The following PPP2CA variants were observed in gnomAD, a reference collection of about 807,000 sequenced individuals.
PPP2CA encodes protein phosphatase 2 catalytic subunit alpha, also known as serine/threonine-protein phosphatase 2A catalytic subunit alpha isoform.
PPP2CA carries 5 observed loss-of-function variants against 38.8 expected under a neutral mutation model. The observed-to-expected ratio is 0.13, with a 90% CI of 0.07 to 0.27. The LOEUF is 0.27. Among genes scored for constraint, PPP2CA ranks in the 10% least tolerant of loss-of-function variants. The pLI is 1.00. For missense variants in PPP2CA, 88 were observed against 389.7 expected, an observed-to-expected ratio of 0.23 and a Z score of 6.52; for synonymous variants, 152 against 134.0, an observed-to-expected ratio of 1.13 and a Z score of -0.93.
At chr5:134,225,338 C>T (rs1440848166) in intron 1 of PPP2CA, 18 of 176,470 alleles carry the variant, frequency 1.0e-4, no homozygotes, top group East Asian at 3.6e-4. Flanking sequence ...CTCTGGGCAG[C>T]TCTGGACCTA....
At chr5:134,208,488 C>G (rs1018411269) in intron 1 of PPP2CA, among the ~76,000 whole-genome samples, 2 of 152,190 alleles carry the variant, frequency 1.3e-5, no homozygotes, top group Admixed American at 6.5e-5. Context: ...CTTTGAGCAC[C>G]CTACACAATC....
chr5:134,196,966 A>T lies in PPP2CA; in HGVS notation c.*806T>A, dbSNP rs1761865036. The T allele has an allele frequency of 6.5e-6, 1 of 152,678 alleles. No homozygotes were observed. The highest frequency in any genetic ancestry group is 2.1e-4 in the South Asian group (1 of 4,836). 9.5% of individuals were successfully genotyped at this position (152,678 alleles called of 1,614,324 possible). On this transcript the variant is annotated 3_prime_UTR_variant, in exon 7 of 7. Coordinates refer to ENST00000481195, the MANE Select transcript of PPP2CA (RefSeq NM_002715.4). ...ATGTCAAGGAGTTACCAGAGAGGTT[A>T]TGTAGTGCCCTTGATTTTTATTTTA...
chr5:134,210,557 A>G (rs1191768764), intron 1 of PPP2CA, among the ~76,000 whole-genome samples: 1 of 152,184 alleles, frequency 6.6e-6, no homozygotes, highest in African/African-American at 2.4e-5. Flanking sequence ...AAAGAATGTA[A>G]TTAGGGCCGA....
At chr5:134,223,765 C>A (rs1762498091) in intron 1 of PPP2CA, among the ~76,000 whole-genome samples, 1 of 152,202 alleles carries the variant, frequency 6.6e-6, no homozygotes, top group African/African-American at 2.4e-5. Flanking sequence ...CCTTTTCATA[C>A]CATGCTTTTC....
intron 1 of PPP2CA, among the ~76,000 whole-genome samples, chr5:134,215,968 G>A (rs1762311423): frequency 6.6e-6 from 1 of 152,182 alleles, no homozygotes; most frequent in Non-Finnish European, 1.5e-5. Context: ...GCAGCAAGTG[G>A]CTCTGATGGA....
In PPP2CA at chr5:134,196,472, T is replaced by G. The variant is rs1182026648; in HGVS notation, c.*1300A>C. On this transcript the variant is annotated 3_prime_UTR_variant, in exon 7 of 7. Transcript: ENST00000481195. ...ATTTTTGTCTTCGGGTGAATGTACATAAGACTAAATCATGATCCAACAATA... is the reference window on the plus strand; with the variant it reads ...ATTTTTGTCTTCGGGTGAATGTACAGAAGACTAAATCATGATCCAACAATA... The G allele has an allele frequency of 2.0e-5, 3 of 152,212 alleles. No individual in the cohort carries two copies. Among genetic ancestry groups the G allele is most frequent in the African/African-American group, 4.8e-5 (2 of 41,458 alleles). 9.4% of individuals were successfully genotyped at this position (152,212 alleles called of 1,614,324 possible).
At chr5:134,209,365 G>A (rs746847226) in intron 1 of PPP2CA, among the ~76,000 whole-genome samples, 69 of 152,116 alleles carry the variant, frequency 4.5e-4, no homozygotes, top group Non-Finnish European at 8.1e-4. Flanking sequence ...GCATGATTTT[G>A]GTTGTTTTGT....
chr5:134,198,955 G>GA, intron 6 of PPP2CA, 131 bp downstream of exon 6: 1 of 689,830 alleles, frequency 1.4e-6, no homozygotes, highest in Non-Finnish European at 2.5e-6. Context: ...AGGCCAAGGT[G>GA]AAAGGATCAC....
chr5:134,203,093 GT>G (rs979564988), intron 2 of PPP2CA, among the ~76,000 whole-genome samples: 91 of 145,790 alleles, frequency 6.2e-4, no homozygotes, highest in African/African-American at 1.2e-3. Flanking sequence ...AGCTGTAAAA[GT>G]TTTTTTTTTT....
At chr5:134,220,377 T>C (rs1762409484) in intron 1 of PPP2CA, among the ~76,000 whole-genome samples, 1 of 132,208 alleles carries the variant, frequency 7.6e-6, no homozygotes, top group Admixed American at 9.2e-5. Flanking sequence ...GAGAACTGCT[T>C]GAACTTGGGA....
At chr5:134,211,119 G>A (rs966544904) in intron 1 of PPP2CA, among the ~76,000 whole-genome samples, 2 of 151,264 alleles carry the variant, frequency 1.3e-5, no homozygotes, top group Admixed American at 1.3e-4. Flanking sequence ...TTTGAGACAA[G>A]GTCTTGCTCT....
rs867516893 is a variant in PPP2CA, at chr5:134,212,077, C to T, written c.103-5946G>A. ...GAGGTTGCAGTGAGCGGAGACCGCA[C>T]CACTGCACTCCAGCCTGGGTGACAG... On this transcript the variant is annotated intron_variant, in intron 1 of 6. Transcript: ENST00000481195. Among the ~76,000 whole-genome samples, 10 of 151,652 alleles carry T rather than the reference C, an allele frequency of 6.6e-5. No individual in the cohort carries two copies. The Middle Eastern group carries it at 0.01, about 155-fold the overall frequency.
At chr5:134,221,015 C>A (rs1048241596) in intron 1 of PPP2CA, among the ~76,000 whole-genome samples, 2 of 152,114 alleles carry the variant, frequency 1.3e-5, no homozygotes, top group Non-Finnish European at 2.9e-5. Flanking sequence ...GAAGTCAACT[C>A]CAAACTAACT....
chr5:134,195,759 GGTCA>G lies in PPP2CA; in HGVS notation c.*2009_*2012del, dbSNP rs1257210650. ...TTTCCAGTTTAGATGGCCAAAGCCC[GGTCA>G]GTCTCTATAATTAAACAATTATTTT... On this transcript the variant is annotated 3_prime_UTR_variant, in exon 7 of 7. Transcript: ENST00000481195. The G allele has an allele frequency of 3.9e-5, 6 of 152,124 alleles. No homozygotes were observed. The highest frequency in any genetic ancestry group is 7.4e-5 in the Non-Finnish European group (5 of 68,026). 9.4% of individuals were successfully genotyped at this position (152,124 alleles called of 1,614,324 possible).
chr5:134,198,591 A>G (rs1342944339), intron 6 of PPP2CA, among the ~76,000 whole-genome samples: 1 of 151,822 alleles, frequency 6.6e-6, no homozygotes, highest in African/African-American at 2.4e-5. Context: ...TTTGAGACGA[A>G]GTCTCGCTCT....
At position 134,225,763 on chromosome 5, in the gene PPP2CA, C is replaced by T; in HGVS notation, c.99G>A (p.Glu33=). The T allele has an allele frequency of 1.9e-6, 3 of 1,606,758 alleles. No individual in the cohort carries two copies. Among genetic ancestry groups the T allele is most frequent in the Non-Finnish European group, 2.5e-6 (3 of 1,178,282 alleles). The change falls in exon 1 of 7, where the codon GAG becomes GAA. Residue 33 remains glutamate, a synonymous_variant. Coordinates refer to ENST00000481195, the MANE Select transcript of PPP2CA (RefSeq NM_002715.4). ...CCGCAGCCGTACTACAGCTCACCTT[C>T]TCGCAGAGGCTCTTGACCTGGGACT... ...LSESQVKSLC[E]KAKEILTKES...
Position 134,226,027 on chromosome 5 carries a change from T to C in PPP2CA, c.-166A>G, listed in dbSNP as rs1762575123. On this transcript the variant is annotated 5_prime_UTR_variant, in exon 1 of 7. Coordinates refer to ENST00000481195, the MANE Select transcript of PPP2CA (RefSeq NM_002715.4). ...ACCGCAGTACTCGGCCGTCGGCCGC[T>C]GCGCCTCCTCCTCCGCTCGCTGAGG... is the stretch of plus-strand genomic sequence containing the variant. The C allele has an allele frequency of 9.0e-6, 5 of 558,240 alleles. No homozygotes were observed. The highest frequency in any genetic ancestry group is 1.2e-5 in the Non-Finnish European group (4 of 324,494). The allele number at this position is 558,240 out of a possible 1,614,324, so 34.6% of individuals were successfully genotyped here.
intron 6 of PPP2CA, 25 bp downstream of exon 6, chr5:134,199,061 A>C (rs1257656277): frequency 1.9e-6 from 3 of 1,547,524 alleles, no homozygotes; most frequent in Admixed American, 3.3e-5. Context: ...GTAATGCAAG[A>C]AAATGTTCAG....
In PPP2CA at chr5:134,196,768, CAA is replaced by C. The variant is rs1482726896; in HGVS notation, c.*1002_*1003del. The C allele has an allele frequency of 2.6e-5, 4 of 152,138 alleles. No individual in the cohort carries two copies. The highest frequency in any genetic ancestry group is 5.9e-5 in the Non-Finnish European group (4 of 68,010). The allele number at this position is 152,138 out of a possible 1,614,324, so 9.4% of individuals were successfully genotyped here. On this transcript the variant is annotated 3_prime_UTR_variant, in exon 7 of 7. Coordinates refer to ENST00000481195, the MANE Select transcript of PPP2CA (RefSeq NM_002715.4). ...CATGCTGTTTTATTAAAACAAAACC[CAA>C]AGACTTAAATCTCAAGTTATATGGT...
Sources: allele counts gnomAD v4.1 joint callset (sites outside exome capture counted in the v4.1 genomes callset), GRCh38; gene constraint gnomAD v4.1.1; transcripts MANE v1.5; gene names NCBI Gene and HGNC (gene_info 2026-07-23, HGNC 2026-07-21).